The following MAP2K6 variants were observed in gnomAD, a reference collection of about 807,000 sequenced individuals.
The protein encoded by MAP2K6 is mitogen-activated protein kinase kinase 6, also known as dual specificity mitogen-activated protein kinase kinase 6.
In MAP2K6, 16 loss-of-function variants were observed where a neutral mutation model predicts 53.7. That is an observed-to-expected ratio of 0.30 (90% confidence interval 0.20 to 0.45). The LOEUF (loss-of-function observed/expected upper bound fraction) is 0.45. Among genes scored for constraint, MAP2K6 ranks in the 20% least tolerant of loss-of-function variants. The probability of loss-of-function intolerance (pLI) is 1.00; values close to 1 mark genes in which losing one functional copy is unlikely to be tolerated. For synonymous variants in MAP2K6, 132 were observed against 143.1 expected (o/e 0.92, Z 0.55); for missense variants, 204 against 411.9 (o/e 0.50, Z 4.37).
At chr17:69,427,809 T>A (rs554564957) in intron 1 of MAP2K6, among the ~76,000 whole-genome samples, 30 of 152,354 alleles carry the variant, frequency 2.0e-4, no homozygotes, top group Non-Finnish European at 3.7e-4. Context: ...TGTTCCTGAA[T>A]GAGCCTCTAT....
At chr17:69,418,335 C>G (rs1042088353) in intron 1 of MAP2K6, among the ~76,000 whole-genome samples, 6 of 152,088 alleles carry the variant, frequency 3.9e-5, no homozygotes, top group African/African-American at 1.2e-4. Flanking sequence ...ATTCTCTTGT[C>G]TTTGTTTTTC....
intron 1 of MAP2K6, chr17:69,485,235 A>C (rs1908488099): frequency 6.6e-6 from 1 of 152,064 alleles, no homozygotes; most frequent in Non-Finnish European, 1.5e-5. Context: ...CCATACTCAC[A>C]TCTCATACTC....
At chr17:69,474,004 T>C (rs1482592911) in intron 1 of MAP2K6, among the ~76,000 whole-genome samples, 1 of 152,208 alleles carries the variant, frequency 6.6e-6, no homozygotes, top group Non-Finnish European at 1.5e-5. Context: ...AACCAAAGCA[T>C]GCAAATAAAT....
chr17:69,414,734 C>T lies in MAP2K6; in HGVS notation c.-251C>T. On this transcript the variant is annotated 5_prime_UTR_variant, in exon 1 of 12. Transcript: ENST00000590474. ...GGAGCTTTTAGCTGCCAGCCCTGGC[C>T]CATCATGTAGCTGCAGCACAGCCTT... The T allele has an allele frequency of 2.1e-6, 1 of 474,406 alleles. No individual in the cohort carries two copies. Among genetic ancestry groups the T allele is most frequent in the South Asian group, 2.8e-5 (1 of 35,930 alleles). 29.4% of individuals were successfully genotyped at this position (474,406 alleles called of 1,614,324 possible). A position where few individuals can be genotyped will look rare whatever the true frequency, so the allele number is the denominator to read the frequency against.
chr17:69,494,962 G>A lies in MAP2K6; in HGVS notation c.17-10818G>A, dbSNP rs1248077151. Among the ~76,000 whole-genome samples the A allele has an allele frequency of 1.3e-5, 2 of 151,678 alleles. No homozygotes were observed. The highest frequency in any genetic ancestry group is 4.8e-5 in the African/African-American group (2 of 41,288). Reference sequence around the variant, plus strand: ...GGAGGTTGCCGTGAGCCGAGATCGCGACATTGCACTCCAGCCTGGGCAACA... The same window carrying A: ...GGAGGTTGCCGTGAGCCGAGATCGCAACATTGCACTCCAGCCTGGGCAACA... On this transcript the variant is annotated intron_variant, in intron 1 of 11. Transcript: ENST00000590474. This position sits in a 1 kb window ranked among gnomAD's most constrained non-coding sequence, Gnocchi z 4.2.
In MAP2K6 at chr17:69,548,837, G is replaced by C. The variant is rs1911980946; in HGVS notation, c.*7084G>C. ...TTCTAATGAAGTAGTTTGAAATCAAGGCTTTAGTGGAAGGTAATCTTTTCA... is the reference window on the plus strand; with the variant it reads ...TTCTAATGAAGTAGTTTGAAATCAACGCTTTAGTGGAAGGTAATCTTTTCA... On this transcript the variant is annotated 3_prime_UTR_variant, in exon 12 of 12. Coordinates refer to ENST00000590474, the MANE Select transcript of MAP2K6 (RefSeq NM_002758.4). The C allele has an allele frequency of 6.6e-6, 1 of 152,156 alleles. No individual in the cohort carries two copies. Among genetic ancestry groups the C allele is most frequent in the Non-Finnish European group, 1.5e-5 (1 of 68,016 alleles). 9.4% of individuals were successfully genotyped at this position (152,156 alleles called of 1,614,324 possible).
chr17:69,492,897 A>T (rs1908804219), intron 1 of MAP2K6, among the ~76,000 whole-genome samples: 1 of 152,208 alleles, frequency 6.6e-6, no homozygotes, highest in Non-Finnish European at 1.5e-5. Flanking sequence ...AGCCTAGCCC[A>T]CTCAGTAAAA....
At chr17:69,502,609 A>G (rs1410736086) in intron 1 of MAP2K6, 8 of 985,264 alleles carry the variant, frequency 8.1e-6, no homozygotes, top group Non-Finnish European at 9.6e-6. Context: ...CAGATGTCCA[A>G]CTTATATACA....
intron 1 of MAP2K6, among the ~76,000 whole-genome samples, chr17:69,439,526 G>A (rs1906752459): frequency 6.6e-6 from 1 of 152,314 alleles, no homozygotes; most frequent in Non-Finnish European, 1.5e-5. Flanking sequence ...TCTGGGGTGA[G>A]GGAGTTGAAG....
At chr17:69,431,562 G>A (rs1385149712) in intron 1 of MAP2K6, among the ~76,000 whole-genome samples, 2 of 152,142 alleles carry the variant, frequency 1.3e-5, no homozygotes, top group African/African-American at 4.8e-5. Flanking sequence ...TTTACCTTAA[G>A]TAAGAGTCTG....
At chr17:69,525,726 A>G (rs1910736603) in intron 9 of MAP2K6, among the ~76,000 whole-genome samples, 1 of 152,190 alleles carries the variant, frequency 6.6e-6, no homozygotes, top group Admixed American at 6.5e-5. Flanking sequence ...AACCACCCCC[A>G]TGATTCAATT....
At chr17:69,415,109 TC>T in intron 1 of MAP2K6, 109 bp downstream of exon 1, 1 of 1,020,154 alleles carries the variant, frequency 9.8e-7, no homozygotes, top group Non-Finnish European at 1.5e-6. Context: ...TTTGAGGTTT[TC>T]CACAGCTCAG....
chr17:69,531,796 A>G (rs941943610), intron 10 of MAP2K6, among the ~76,000 whole-genome samples: 1 of 152,138 alleles, frequency 6.6e-6, no homozygotes, highest in Non-Finnish European at 1.5e-5. Context: ...TTCTTATCGT[A>G]GGGGTTTTAA....
chr17:69,419,470 A>G (rs1408168912), intron 1 of MAP2K6, among the ~76,000 whole-genome samples: 1 of 152,170 alleles, frequency 6.6e-6, no homozygotes, highest in Non-Finnish European at 1.5e-5. Context: ...ACCTTTCTTC[A>G]TCCTGGGTAT....
chr17:69,458,821 G>A (rs539212093), intron 1 of MAP2K6, among the ~76,000 whole-genome samples: 7 of 152,024 alleles, frequency 4.6e-5, no homozygotes, highest in African/African-American at 1.4e-4. Context: ...ATGGTGTGTC[G>A]CCCCTGTCCT....
chr17:69,491,084 G>A (rs1336016026), intron 1 of MAP2K6, among the ~76,000 whole-genome samples: 1 of 147,818 alleles, frequency 6.8e-6, no homozygotes, highest in Non-Finnish European at 1.5e-5. Flanking sequence ...GTACTTCGTG[G>A]TGTATATGTA....
chr17:69,459,605 G>A (rs1465870970), intron 1 of MAP2K6, among the ~76,000 whole-genome samples: 1 of 150,628 alleles, frequency 6.6e-6, no homozygotes, highest in Non-Finnish European at 1.5e-5. Flanking sequence ...CCAGCTACTC[G>A]GGAGGCTGAG....
intron 1 of MAP2K6, among the ~76,000 whole-genome samples, chr17:69,485,907 AG>A (rs1399373398): frequency 6.6e-6 from 1 of 152,222 alleles, no homozygotes; most frequent in Non-Finnish European, 1.5e-5. Context: ...AAAAGTCCCA[AG>A]CATCAAAACT....
rs1598320429 is a variant in MAP2K6, at chr17:69,536,270, A to T, written c.927+110A>T. 2.2e-5 allele frequency: 17 copies of T among 777,660 alleles called. 1 individual carries two copies. The East Asian group carries it at 4.2e-4, about 19-fold the overall frequency. 48.2% of individuals were successfully genotyped at this position (777,660 alleles called of 1,614,324 possible). ...CCATATTGGAAGAGTTGGTTCATTG[A>T]TACATCAGTGACAGGAATTGAACTC... On this transcript the variant is annotated intron_variant, in intron 11 of 11. Transcript: ENST00000590474.
Sources: gnomAD v4.1 joint callset for allele counts (sites outside exome capture counted in the v4.1 genomes callset) on GRCh38, gnomAD v4.1.1 for gene constraint, Gnocchi (gnomAD v3.1) non-coding constraint, MANE v1.5 for transcripts, NCBI Gene and HGNC (gene_info 2026-07-23, HGNC 2026-07-21) for gene names.